Variants in CAMTA1 observed in about 807,000 individuals in gnomAD.
CAMTA1 encodes calmodulin-binding transcription activator 1.
A neutral mutation model predicts 170.9 loss-of-function variants in CAMTA1; 27 were observed. The ratio of observed to expected loss-of-function variants is 0.16; its 90% CI spans 0.12 to 0.22. CAMTA1 has a LOEUF of 0.22. Among genes scored for constraint, CAMTA1 ranks in the 10% least tolerant of loss-of-function variants. The pLI is 1.00. For missense variants in CAMTA1, 1,619 were observed against 2,217.2 expected, an observed-to-expected ratio of 0.73 and a Z score of 5.42; for synonymous variants, 833 against 891.5, an observed-to-expected ratio of 0.93 and a Z score of 1.17.
chr1:7,597,010 C>T (rs2095405750), intron 6 of CAMTA1, among the ~76,000 whole-genome samples: 1 of 152,172 alleles, frequency 6.6e-6, no homozygotes, highest in African/African-American at 2.4e-5. Flanking sequence ...ACCTGTAATC[C>T]CCTTGTGGCC....
chr1:7,160,397 G>C (rs563473983), intron 4 of CAMTA1, among the ~76,000 whole-genome samples: 3 of 152,154 alleles, frequency 2.0e-5, no homozygotes, highest in Non-Finnish European at 4.4e-5. Context: ...ACGACCTCCT[G>C]GTTGCCATCG....
chr1:7,104,713 T>C (rs1037889545), intron 4 of CAMTA1, among the ~76,000 whole-genome samples: 1 of 152,162 alleles, frequency 6.6e-6, no homozygotes, highest in African/African-American at 2.4e-5. Context: ...GACTGTCAAC[T>C]GAGGCTTCAG....
At chr1:7,439,805 C>A (rs954863358) in intron 5 of CAMTA1, among the ~76,000 whole-genome samples, 2 of 152,194 alleles carry the variant, frequency 1.3e-5, no homozygotes, top group Non-Finnish European at 2.9e-5. Flanking sequence ...GAGTGCCGAG[C>A]CCAGCCTCCC....
chr1:7,338,682 G>T (rs1557544942), intron 5 of CAMTA1, among the ~76,000 whole-genome samples: 1 of 152,196 alleles, frequency 6.6e-6, no homozygotes, highest in Non-Finnish European at 1.5e-5. Context: ...AAGAAAAAAA[G>T]TAGGATAAGG....
intron 6 of CAMTA1, among the ~76,000 whole-genome samples, chr1:7,493,482 C>CAA (rs1372172751): frequency 6.6e-6 from 1 of 151,902 alleles, no homozygotes; most frequent in Admixed American, 6.6e-5. Context: ...TATAAACAGG[C>CAA]GTGCACACAC....
chr1:7,597,446 G>C (rs1450000513), intron 6 of CAMTA1, among the ~76,000 whole-genome samples: 2 of 152,248 alleles, frequency 1.3e-5, no homozygotes, highest in Non-Finnish European at 2.9e-5. Context: ...AAGGAAAAGA[G>C]AGCTTGGCCC....
intron 5 of CAMTA1, among the ~76,000 whole-genome samples, chr1:7,279,031 T>C (rs914806639): frequency 5.3e-5 from 8 of 151,770 alleles, no homozygotes; most frequent in African/African-American, 1.7e-4. Context: ...GAAAGGGATA[T>C]GCAAAGGCCC....
In CAMTA1 at chr1:7,224,971, T is replaced by C. The variant is rs1018050588; in HGVS notation, c.303-24520T>C. On this transcript the variant is annotated intron_variant, in intron 4 of 22. Coordinates refer to ENST00000303635, the MANE Select transcript of CAMTA1 (RefSeq NM_015215.4). The surrounding 1 kb of genome is among the most constrained non-coding windows in gnomAD (Gnocchi z 5.2). ...CGCCTTGACCCCATCGTCTAGTGTC[T>C]CCTTGACTGAGATGAGGAGGCTGGA... Among the ~76,000 whole-genome samples, 1 of 152,170 alleles carries C rather than the reference T, an allele frequency of 6.6e-6. No homozygotes were observed. Among genetic ancestry groups the C allele is most frequent in the Non-Finnish European group, 1.5e-5 (1 of 68,022 alleles).
At chr1:7,425,401 G>A (rs1250487940) in intron 5 of CAMTA1, among the ~76,000 whole-genome samples, 1 of 152,120 alleles carries the variant, frequency 6.6e-6, no homozygotes, top group African/African-American at 2.4e-5. Flanking sequence ...AGAGGCCCTG[G>A]CAGTCCCCTA....
intron 6 of CAMTA1, among the ~76,000 whole-genome samples, chr1:7,526,490 G>A (rs1351152645): frequency 2.0e-5 from 3 of 152,214 alleles, no homozygotes; most frequent in Non-Finnish European, 4.4e-5. Context: ...TGTCCAGGCC[G>A]TGGATACTGC....
chr1:7,335,082 C>G (rs986158458), intron 5 of CAMTA1, among the ~76,000 whole-genome samples: 3 of 100,688 alleles, frequency 3.0e-5, no homozygotes, highest in African/African-American at 1.2e-4. Flanking sequence ...TTTACTGGAC[C>G]TATATACTAC....
At chr1:7,012,188 G>T (rs1699898946) in intron 3 of CAMTA1, among the ~76,000 whole-genome samples, 1 of 152,132 alleles carries the variant, frequency 6.6e-6, no homozygotes, top group Admixed American at 6.6e-5. Flanking sequence ...TCAGGTGCTG[G>T]TGGTCCCCGT....
chr1:7,345,081 T>C (rs2084130102), intron 5 of CAMTA1, among the ~76,000 whole-genome samples: 1 of 152,186 alleles, frequency 6.6e-6, no homozygotes, highest in Admixed American at 6.5e-5. Flanking sequence ...CATTTTTCTG[T>C]CAAGTTGTCT....
chr1:6,925,736 C>G (rs1456297005), intron 3 of CAMTA1, among the ~76,000 whole-genome samples: 2 of 152,182 alleles, frequency 1.3e-5, no homozygotes, highest in Admixed American at 1.3e-4. Flanking sequence ...AAGTGGAGCC[C>G]TGGTCCCACT....
chr1:6,909,251 T>C (rs1202243960), intron 3 of CAMTA1, among the ~76,000 whole-genome samples: 4 of 152,248 alleles, frequency 2.6e-5, no homozygotes, highest in African/African-American at 9.6e-5. Flanking sequence ...ACACACAAAG[T>C]CACCTAATAC....
intron 5 of CAMTA1, among the ~76,000 whole-genome samples, chr1:7,415,365 A>G (rs1235456055): frequency 1.3e-5 from 2 of 151,710 alleles, no homozygotes; most frequent in East Asian, 3.9e-4. Context: ...GGGGTGTTAA[A>G]TTCTCCCATT....
At chr1:7,679,578 C>CA (rs1553246521) in intron 11 of CAMTA1, among the ~76,000 whole-genome samples, 2 of 110,820 alleles carry the variant, frequency 1.8e-5, no homozygotes, top group Admixed American at 1.6e-4. Context: ...CCTAGCTGCC[C>CA]CCCCCCCCAG....
chr1:6,956,209 T>C (rs974780785), intron 3 of CAMTA1, among the ~76,000 whole-genome samples: 1 of 152,190 alleles, frequency 6.6e-6, no homozygotes, highest in African/African-American at 2.4e-5. Flanking sequence ...GTGGGGTCCC[T>C]GATCTCCTAT....
rs1464077890 is a variant in CAMTA1 at position 7,299,901 on chromosome 1, T to C, written c.438+50275T>C. Among the ~76,000 whole-genome samples, 1 of 152,182 alleles carries C rather than the reference T, an allele frequency of 6.6e-6. No homozygotes were observed. Among genetic ancestry groups the C allele is most frequent in the African/African-American group, 2.4e-5 (1 of 41,430 alleles). On this transcript the variant is annotated intron_variant, in intron 5 of 22. Coordinates refer to ENST00000303635, the MANE Select transcript of CAMTA1 (RefSeq NM_015215.4). This position sits in a 1 kb window ranked among gnomAD's most constrained non-coding sequence, Gnocchi z 4.7. ...GGAACACAAAATGAGACCTAGAGTCTTAGAAGGGGCCCGTGCAACCAGAGG... is the reference window on the plus strand; with the variant it reads ...GGAACACAAAATGAGACCTAGAGTCCTAGAAGGGGCCCGTGCAACCAGAGG...
Sources: gnomAD v4.1 joint callset for allele counts (sites outside exome capture counted in the v4.1 genomes callset) on GRCh38, gnomAD v4.1.1 for gene constraint, Gnocchi (gnomAD v3.1) non-coding constraint, MANE v1.5 for transcripts, NCBI Gene and HGNC (gene_info 2026-07-23, HGNC 2026-07-21) for gene names.